Variants in SNX18 observed in about 807,000 individuals in gnomAD.
SNX18 encodes the protein sorting nexin-18.
In SNX18, 35 loss-of-function variants were observed where a neutral mutation model predicts 48.7. That is an observed-to-expected ratio of 0.72 (90% confidence interval 0.55 to 0.95). The LOEUF (loss-of-function observed/expected upper bound fraction) is 0.95, where lower values mean the gene tolerates loss of function less well. Ranked by LOEUF, SNX18 falls within the 40% of genes least tolerant of loss-of-function variation. SNX18 has a pLI of 0.00. For missense variants in SNX18, 824 were observed against 871.0 expected, an observed-to-expected ratio of 0.95 and a Z score of 0.68; for synonymous variants, 492 against 384.7, an observed-to-expected ratio of 1.28 and a Z score of -3.26.
chr5:54,520,373 A>G (rs942449810), intron 1 of SNX18: 1 of 170,424 alleles, frequency 5.9e-6, no homozygotes, highest in African/African-American at 2.4e-5. Context: ...GCAAATTAAA[A>G]AAATATATAG....
rs749196713 is a variant in SNX18, at chr5:54,519,134, G to A, written c.1182G>A (p.Lys394=). ...STDEKAWKQG[K]RKAEKDEMVG... is the part of the protein sequence containing the mutation. The stretch of plus-strand genomic sequence containing the variant: ...ACGAGAAAGCCTGGAAGCAGGGCAA[G>A]AGGAAGGCCGAGAAGGACGAGATGG... Residue 394 remains lysine, a synonymous_variant, in exon 1 of 2, where the codon AAG becomes AAA. Transcript: ENST00000381410. 5.0e-5 allele frequency: 80 copies of A among 1,614,144 alleles called. No homozygotes were observed. Among genetic ancestry groups the A allele is most frequent in the East Asian group, 2.7e-4 (12 of 44,876 alleles).
At chr5:54,627,919 T>C in the SNX18 span, among the ~76,000 whole-genome samples, 1 of 152,188 alleles carries the variant, frequency 6.6e-6, no homozygotes, top group South Asian at 2.1e-4. Flanking sequence ...TGTGCAGGTG[T>C]TCTTGAGCTC....
chr5:54,586,228 C>T, the SNX18 span, among the ~76,000 whole-genome samples: 230 of 152,250 alleles, frequency 1.5e-3, no homozygotes, highest in Non-Finnish European at 2.9e-3. Context: ...TTACCTTGGA[C>T]TCTGGAAATG....
At chr5:54,539,245 G>C (rs948217492) in intron 1 of SNX18, among the ~76,000 whole-genome samples, 31 of 144,696 alleles carry the variant, frequency 2.1e-4, no homozygotes, top group African/African-American at 7.8e-4. Flanking sequence ...TATGCATTCA[G>C]ATCCCATCTC....
intron 1 of SNX18, among the ~76,000 whole-genome samples, chr5:54,540,029 A>G (rs2111593978): frequency 6.6e-6 from 1 of 151,774 alleles, no homozygotes; most frequent in Non-Finnish European, 1.5e-5. Flanking sequence ...CCACCACCAC[A>G]CCTGGCTAAA....
chr5:54,584,979 T>C, the SNX18 span, among the ~76,000 whole-genome samples: 2 of 152,178 alleles, frequency 1.3e-5, no homozygotes, highest in Non-Finnish European at 2.9e-5. Context: ...GTGGTTAAAA[T>C]GTAAACAGAA....
At chr5:54,560,303 A>T in the SNX18 span, among the ~76,000 whole-genome samples, 6 of 152,250 alleles carry the variant, frequency 3.9e-5, no homozygotes, top group African/African-American at 1.4e-4. Flanking sequence ...GCCATAAAAA[A>T]TGACATCATG....
At chr5:54,596,296 G>C in the SNX18 span, among the ~76,000 whole-genome samples, 1 of 152,050 alleles carries the variant, frequency 6.6e-6, no homozygotes, top group East Asian at 1.9e-4. Context: ...GTGTCCTCCC[G>C]TCTGAGGGCC....
chr5:54,607,813 A>G, the SNX18 span, among the ~76,000 whole-genome samples: 1 of 152,152 alleles, frequency 6.6e-6, no homozygotes, highest in African/African-American at 2.4e-5. Context: ...GGATGCCTGT[A>G]GGTCCAGTTA....
chr5:54,579,017 A>G, the SNX18 span, among the ~76,000 whole-genome samples: 1 of 152,280 alleles, frequency 6.6e-6, no homozygotes, highest in South Asian at 2.1e-4. Context: ...CATCTTTCCT[A>G]ACTAGGCTGA....
At chr5:54,627,163 TA>T in the SNX18 span, among the ~76,000 whole-genome samples, 2 of 152,190 alleles carry the variant, frequency 1.3e-5, no homozygotes, top group Non-Finnish European at 2.9e-5. Flanking sequence ...TGCTCACAAA[TA>T]AAAATTAACA....
chr5:54,562,891 G>A, the SNX18 span, among the ~76,000 whole-genome samples: 8 of 152,204 alleles, frequency 5.3e-5, no homozygotes, highest in Non-Finnish European at 1.0e-4. Flanking sequence ...GGGGCAAGAT[G>A]TGGAGGTGGA....
the SNX18 span, among the ~76,000 whole-genome samples, chr5:54,588,311 T>A: frequency 6.3e-4 from 4 of 6,306 alleles, no homozygotes; most frequent in Non-Finnish European, 1.1e-3. Flanking sequence ...CTATTCTTTT[T>A]TTTTTTTTTT....
the SNX18 span, among the ~76,000 whole-genome samples, chr5:54,622,527 C>T: frequency 1.3e-5 from 2 of 150,868 alleles, no homozygotes; most frequent in Admixed American, 1.3e-4. Flanking sequence ...CTAGCCCTTT[C>T]ATAAATGCTT....
the SNX18 span, among the ~76,000 whole-genome samples, chr5:54,633,347 C>T: frequency 6.6e-6 from 1 of 152,192 alleles, no homozygotes; most frequent in Non-Finnish European, 1.5e-5. Context: ...GAATATAAGA[C>T]ATTCACTCAC....
At chr5:54,577,223 AG>A in the SNX18 span, among the ~76,000 whole-genome samples, 1 of 152,168 alleles carries the variant, frequency 6.6e-6, no homozygotes, top group Non-Finnish European at 1.5e-5. Context: ...CCTCTCTCAA[AG>A]CATTTACTAT....
the SNX18 span, among the ~76,000 whole-genome samples, chr5:54,587,546 C>T: frequency 1.3e-5 from 2 of 152,224 alleles, no homozygotes; most frequent in East Asian, 3.9e-4. Flanking sequence ...TCCTTAATGT[C>T]CTTTCTCTCC....
At chr5:54,632,712 C>G in the SNX18 span, among the ~76,000 whole-genome samples, 46 of 152,172 alleles carry the variant, frequency 3.0e-4, no homozygotes, top group Non-Finnish European at 5.9e-4. Context: ...CACACACACT[C>G]TTTATATTTA....
At chr5:54,559,423 A>G in the SNX18 span, among the ~76,000 whole-genome samples, 1 of 152,200 alleles carries the variant, frequency 6.6e-6, no homozygotes, top group Non-Finnish European at 1.5e-5. Context: ...AAGGCTGTAC[A>G]CCTACAACCA....
Sources: allele counts gnomAD v4.1 joint callset (sites outside exome capture counted in the v4.1 genomes callset), GRCh38; gene constraint gnomAD v4.1.1; transcripts MANE v1.5; gene names NCBI Gene and HGNC (gene_info 2026-07-23, HGNC 2026-07-21).